The following CNTN4 variants were observed in gnomAD, a reference collection of about 807,000 sequenced individuals.
The protein encoded by CNTN4 is contactin 4.
A neutral mutation model predicts 122.5 loss-of-function variants in CNTN4; 77 were observed. The ratio of observed to expected loss-of-function variants is 0.63; its 90% confidence interval spans 0.52 to 0.76. The LOEUF is 0.76. CNTN4 is among the 30% of genes least tolerant of loss of function. CNTN4 has a pLI of 0.00. For missense variants in CNTN4, 1,256 were observed against 1,259.1 expected (o/e 1.00, Z 0.04); for synonymous variants, 512 against 447.0 (o/e 1.15, Z -1.83).
chr3:2,323,944 C>A lies in CNTN4; in HGVS notation c.-144-15234C>A, dbSNP rs1033446909. 5.2e-4 allele frequency among the ~76,000 whole-genome samples: 79 copies of A among 152,262 alleles called. 2 individuals carry two copies. The highest frequency in any genetic ancestry group is 2.1e-3 in the South Asian group (10 of 4,830). On this transcript the variant is annotated intron_variant, in intron 2 of 24. Transcript: ENST00000418658. The stretch of plus-strand genomic sequence containing the variant: ...GGAGACAGGACTAACACAATGGTTC[C>A]CAACTAAGGTTATTCCTAGAGAAGG...
At position 2,576,131 on chromosome 3, in the gene CNTN4, A is replaced by G. The variant is rs533887699; in HGVS notation, c.55+4573A>G. On this transcript the variant is annotated intron_variant, in intron 4 of 24. Transcript: ENST00000418658. ...ATTACAGGCGTGAGCCACCACGCCC[A>G]GCCGCTTTCTTCTTTTTATACAAAA... Among the ~76,000 whole-genome samples the G allele has an allele frequency of 9.1e-4, 139 of 152,248 alleles. 1 individual carries two copies. The East Asian group carries it at 0.013, about 15-fold the overall frequency.
chr3:2,736,272 C>G lies in CNTN4; in HGVS notation c.113C>G (p.Pro38Arg). Residue 38 changes from proline to arginine, a missense_variant, in exon 5 of 25, where the codon CCT becomes CGT. Coordinates refer to ENST00000418658, the MANE Select transcript of CNTN4 (RefSeq NM_175607.3). ...CAAGAACCAAGTCCTGTAATGTTCC[C>G]TTTGGATTCTGAGGAGAAAAAAGTG... is the stretch of plus-strand genomic sequence containing the variant. ...FIQEPSPVMF[P>R]LDSEEKKVKL... The G allele has an allele frequency of 6.2e-7, 1 of 1,613,608 alleles. No individual in the cohort carries two copies. The highest frequency in any genetic ancestry group is 1.1e-5 in the South Asian group (1 of 91,076).
intron 4 of CNTN4, among the ~76,000 whole-genome samples, chr3:2,636,940 G>GTTTTTTTT (rs34067643): frequency 7.4e-5 from 7 of 95,114 alleles, no homozygotes; most frequent in African/African-American, 2.1e-4. Flanking sequence ...TTTTTTTTTG[G>GTTTTTTTT]TTTTTTTTTT....
intron 3 of CNTN4, among the ~76,000 whole-genome samples, chr3:2,424,103 A>G (rs1193240282): frequency 6.6e-6 from 1 of 150,860 alleles, no homozygotes; most frequent in African/African-American, 2.4e-5. Context: ...TCTAGGGTAC[A>G]TGTGCACAAC....
rs117335767 is a variant in CNTN4 at position 2,580,980 on chromosome 3, A to G, written c.55+9422A>G. Among the ~76,000 whole-genome samples, 58 of 152,324 alleles carry G rather than the reference A, an allele frequency of 3.8e-4. No individual in the cohort carries two copies. In the East Asian group the frequency reaches 6.8e-3, roughly 18 times the overall value. ...TAATTGTCATGCTATGATGATAACTATTGAAATTGAGTACCTGTCTTCATA... is the reference window on the plus strand; with the variant it reads ...TAATTGTCATGCTATGATGATAACTGTTGAAATTGAGTACCTGTCTTCATA... On this transcript the variant is annotated intron_variant, in intron 4 of 24. Coordinates refer to ENST00000418658, the MANE Select transcript of CNTN4 (RefSeq NM_175607.3).
At chr3:3,043,451 G>T in intron 22 of CNTN4, 141 bp from the exon 23 acceptor site, 2 of 749,732 alleles carry the variant, frequency 2.7e-6, no homozygotes, top group East Asian at 2.7e-5. Context: ...TATCTCATCA[G>T]ATTTTAGTGA....
intron 12 of CNTN4, among the ~76,000 whole-genome samples, chr3:2,917,459 A>G (rs2094381199): frequency 6.6e-6 from 1 of 151,462 alleles, no homozygotes; most frequent in Non-Finnish European, 1.5e-5. Flanking sequence ...AATTTTGTTA[A>G]GTTTAGATTC....
At chr3:2,457,584 G>C (rs948726506) in intron 3 of CNTN4, among the ~76,000 whole-genome samples, 9 of 152,218 alleles carry the variant, frequency 5.9e-5, no homozygotes, top group African/African-American at 2.2e-4. Context: ...GTTGGGCGCA[G>C]ATTCCCATTT....
intron 6 of CNTN4, among the ~76,000 whole-genome samples, chr3:2,816,609 TCAAGAGATCGAGACTATCCTGG>T (rs1433479688): frequency 6.6e-6 from 1 of 150,804 alleles, no homozygotes; most frequent in African/African-American, 2.4e-5. Context: ...GATCATGAAG[TCAAGAGATCGAGACTATCCTGG>T]CCAACATGGT....
Position 2,474,197 on chromosome 3 carries a change from A to T in CNTN4, c.-88-97219A>T, listed in dbSNP as rs78997724. The stretch of plus-strand genomic sequence containing the variant: ...TTTTACATAGGGCTTCCCTTAGCAC[A>T]GCATTTCATCACATATATCGTAATT... On this transcript the variant is annotated intron_variant, in intron 3 of 24. Coordinates refer to ENST00000418658, the MANE Select transcript of CNTN4 (RefSeq NM_175607.3). 2.9e-3 allele frequency among the ~76,000 whole-genome samples: 435 copies of T among 152,210 alleles called. 3 individuals are homozygous for T. The highest frequency in any genetic ancestry group is 1.0e-2 in the African/African-American group (414 of 41,524).
chr3:2,656,635 A>C (rs1465898450), intron 4 of CNTN4, among the ~76,000 whole-genome samples: 1 of 152,228 alleles, frequency 6.6e-6, no homozygotes, highest in Non-Finnish European at 1.5e-5. Flanking sequence ...TAATGTGACA[A>C]TAAATTATTG....
intron 4 of CNTN4, among the ~76,000 whole-genome samples, chr3:2,658,497 G>A (rs2083705311): frequency 6.6e-6 from 1 of 152,118 alleles, no homozygotes; most frequent in South Asian, 2.1e-4. Flanking sequence ...AGCACACAGA[G>A]GTAATACGAT....
chr3:2,159,415 T>C (rs1483341973), intron 2 of CNTN4, among the ~76,000 whole-genome samples: 1 of 152,198 alleles, frequency 6.6e-6, no homozygotes, highest in South Asian at 2.1e-4. Context: ...ATCGGGTTCT[T>C]TTTCAAGCTT....
intron 2 of CNTN4, among the ~76,000 whole-genome samples, chr3:2,186,962 T>C (rs2037299997): frequency 1.3e-5 from 2 of 152,258 alleles, no homozygotes; most frequent in Non-Finnish European, 2.9e-5. Flanking sequence ...TGGCTTTTGT[T>C]GCAATTGCTT....
At position 2,771,525 on chromosome 3, in the gene CNTN4, C is replaced by T. The variant is rs540079862; in HGVS notation, c.358+25828C>T. Among the ~76,000 whole-genome samples the T allele has an allele frequency of 7.9e-5, 12 of 152,288 alleles. No individual in the cohort carries two copies. In the South Asian group the frequency reaches 2.5e-3, roughly 32 times the overall value. On this transcript the variant is annotated intron_variant, in intron 6 of 24. Transcript: ENST00000418658. ...ATTCTACCTCTCTGAGTCTCAGTTT[C>T]ATTCTCTGTATAATGGGGATGATGT...
intron 2 of CNTN4, among the ~76,000 whole-genome samples, chr3:2,160,284 T>G (rs1421279878): frequency 6.6e-6 from 1 of 152,118 alleles, no homozygotes; most frequent in Middle Eastern, 3.2e-3. Context: ...AAAAAGCAAT[T>G]GTGAACTAAA....
At chr3:2,328,332 G>A (rs1678457405) in intron 2 of CNTN4, among the ~76,000 whole-genome samples, 1 of 150,502 alleles carries the variant, frequency 6.6e-6, no homozygotes, top group African/African-American at 2.4e-5. Flanking sequence ...CGGGAACCCG[G>A]GAGGCGGAGC....
At chr3:2,233,927 C>T (rs956961430) in intron 2 of CNTN4, among the ~76,000 whole-genome samples, 3 of 151,934 alleles carry the variant, frequency 2.0e-5, no homozygotes, top group African/African-American at 7.2e-5. Flanking sequence ...GAAAATCAAA[C>T]AAAAAAATCA....
chr3:2,111,541 C>T (rs2032956572), intron 2 of CNTN4, among the ~76,000 whole-genome samples: 1 of 152,214 alleles, frequency 6.6e-6, no homozygotes, highest in Admixed American at 6.5e-5. Context: ...AGCTGGAAAA[C>T]ACTATTTTAT....
Sources: allele counts gnomAD v4.1 joint callset (sites outside exome capture counted in the v4.1 genomes callset), GRCh38; gene constraint gnomAD v4.1.1; transcripts MANE v1.5; gene names NCBI Gene and HGNC (gene_info 2026-07-23, HGNC 2026-07-21).